The following PRKG1 variants were observed in gnomAD, a reference collection of about 807,000 sequenced individuals.
PRKG1 encodes the protein cGMP-dependent protein kinase 1.
In PRKG1, 35 loss-of-function variants were observed where a neutral mutation model predicts 88.1. The observed-to-expected ratio is 0.40, with a 90% CI of 0.30 to 0.53. The LOEUF (loss-of-function observed/expected upper bound fraction) is 0.53, where lower values mean the gene tolerates loss of function less well. Ranked by LOEUF, PRKG1 falls within the 20% of genes least tolerant of loss-of-function variation. The pLI, the probability that PRKG1 is intolerant of heterozygous loss-of-function variation, is 0.59. For missense variants in PRKG1, 540 were observed against 839.8 expected (o/e 0.64, Z 4.41); for synonymous variants, 303 against 292.5 (o/e 1.04, Z -0.37).
At position 51,103,405 on chromosome 10, in the gene PRKG1, T is replaced by A. The variant is rs76066841; in HGVS notation, c.311+28504T>A. Among the ~76,000 whole-genome samples, 5 of 152,318 alleles carry A rather than the reference T, an allele frequency of 3.3e-5. No homozygotes were observed. In the East Asian group the frequency reaches 9.6e-4, roughly 29 times the overall value. On this transcript the variant is annotated intron_variant, in intron 1 of 17. Coordinates refer to ENST00000373980, the MANE Select transcript of PRKG1 (RefSeq NM_006258.4). ...TCAAAGGATTAAGAAGCAGAATGAC[T>A]TTATATTTCTTCGAGCTAAAAAAAA...
Position 51,510,039 on chromosome 10 carries a change from G to A in PRKG1, c.592+42203G>A, listed in dbSNP as rs561078932. ...ATGGAAGTCCATAGATCAATTGACA[G>A]CAACAGCATAATAAGAGCATTTATT... On this transcript the variant is annotated intron_variant, in intron 3 of 17. Coordinates refer to ENST00000373980, the MANE Select transcript of PRKG1 (RefSeq NM_006258.4). 1.4e-4 allele frequency among the ~76,000 whole-genome samples: 21 copies of A among 152,252 alleles called. No individual in the cohort carries two copies. In the East Asian group the frequency reaches 1.9e-3, roughly 14 times the overall value.
intron 1 of PRKG1, 113 bp from the exon 2 acceptor site, chr10:51,153,051 T>A: frequency 3.1e-6 from 2 of 649,216 alleles, no homozygotes; most frequent in Non-Finnish European, 4.4e-6. Context: ...ATTGGATTCC[T>A]AACAAGAAAA....
chr10:51,886,256 A>C (rs939384469), intron 4 of PRKG1, among the ~76,000 whole-genome samples: 8 of 152,122 alleles, frequency 5.3e-5, no homozygotes, highest in Non-Finnish European at 2.9e-5. Flanking sequence ...CAGAACCAAA[A>C]ATTTATTTTC....
chr10:51,471,164 T>TA (rs76407647), intron 3 of PRKG1, among the ~76,000 whole-genome samples: 67,798 of 151,578 alleles, frequency 0.45, 15,786 homozygotes, highest in African/African-American at 0.52. Context: ...GTTCATGGCT[T>TA]AATAGCCTCA....
chr10:51,386,879 G>A (rs1837265751), intron 2 of PRKG1, among the ~76,000 whole-genome samples: 1 of 152,114 alleles, frequency 6.6e-6, no homozygotes, highest in Admixed American at 6.6e-5. Context: ...GAATATTCAT[G>A]TTCATTGCTT....
chr10:52,167,015 C>A (rs1457767737), intron 9 of PRKG1, among the ~76,000 whole-genome samples: 1 of 151,510 alleles, frequency 6.6e-6, no homozygotes, highest in Non-Finnish European at 1.5e-5. Flanking sequence ...ACTTATAGTG[C>A]ATTTTCAATT....
intron 5 of PRKG1, among the ~76,000 whole-genome samples, chr10:52,052,729 A>G (rs1846020188): frequency 6.6e-6 from 1 of 152,152 alleles, no homozygotes; most frequent in African/African-American, 2.4e-5. Context: ...TACTACCACA[A>G]GAACAGTATG....
intron 2 of PRKG1, among the ~76,000 whole-genome samples, chr10:51,238,303 C>G (rs1010860462): frequency 6.6e-6 from 1 of 152,004 alleles, no homozygotes; most frequent in Non-Finnish European, 1.5e-5. Context: ...AGTATTGGCC[C>G]GGCGAGATGG....
intron 2 of PRKG1, among the ~76,000 whole-genome samples, chr10:51,369,709 C>T (rs1279932322): frequency 2.6e-5 from 4 of 152,060 alleles, no homozygotes; most frequent in African/African-American, 9.7e-5. Flanking sequence ...CCTCTCCATC[C>T]TTTGACTGGC....
At chr10:51,080,173 G>A (rs181917750) in intron 1 of PRKG1, among the ~76,000 whole-genome samples, 12 of 152,256 alleles carry the variant, frequency 7.9e-5, no homozygotes, top group East Asian at 3.9e-4. Flanking sequence ...TGAGACCAGC[G>A]TGCTAAAACC....
chr10:51,435,799 A>G (rs1838911411), intron 2 of PRKG1, among the ~76,000 whole-genome samples: 1 of 152,024 alleles, frequency 6.6e-6, no homozygotes, highest in Non-Finnish European at 1.5e-5. Flanking sequence ...GATATGTGCT[A>G]TGGTAGATTA....
At chr10:51,946,702 TGTTGGA>T (rs2133042761) in intron 5 of PRKG1, among the ~76,000 whole-genome samples, 1 of 152,270 alleles carries the variant, frequency 6.6e-6, no homozygotes, top group South Asian at 2.1e-4. Flanking sequence ...GCTGCAGGTC[TGTTGGA>T]GTTTGCTAGA....
At chr10:51,081,121 C>T (rs1299527324) in intron 1 of PRKG1, among the ~76,000 whole-genome samples, 1 of 152,122 alleles carries the variant, frequency 6.6e-6, no homozygotes, top group Non-Finnish European at 1.5e-5. Context: ...ATAAGCATTC[C>T]TTCTGGAGGC....
intron 2 of PRKG1, among the ~76,000 whole-genome samples, chr10:51,199,693 G>A (rs986270407): frequency 1.3e-5 from 2 of 152,094 alleles, no homozygotes; most frequent in Non-Finnish European, 2.9e-5. Context: ...GACTTTTCTG[G>A]GCCTGGCTTT....
intron 7 of PRKG1, among the ~76,000 whole-genome samples, chr10:52,111,520 G>T (rs1163306944): frequency 6.6e-6 from 1 of 152,168 alleles, no homozygotes; most frequent in Admixed American, 6.5e-5. Context: ...CCATTCCATT[G>T]CTTTGACATT....
chr10:52,244,286 C>T (rs1407508934), intron 9 of PRKG1, among the ~76,000 whole-genome samples: 1 of 151,878 alleles, frequency 6.6e-6, no homozygotes, highest in Non-Finnish European at 1.5e-5. Context: ...AAATAACTCC[C>T]CATACAAAGA....
chr10:51,277,085 A>G (rs1430382357), intron 2 of PRKG1, among the ~76,000 whole-genome samples: 1 of 152,112 alleles, frequency 6.6e-6, no homozygotes, highest in East Asian at 1.9e-4. Context: ...TAGGGTTTTT[A>G]TGGTTTTAGG....
intron 3 of PRKG1, among the ~76,000 whole-genome samples, chr10:51,637,461 G>A (rs763530021): frequency 6.6e-6 from 1 of 152,166 alleles, no homozygotes; most frequent in African/African-American, 2.4e-5. Context: ...ATAAAGATAC[G>A]CATATGTATG....
chr10:51,088,959 A>G (rs1217253925), intron 1 of PRKG1, among the ~76,000 whole-genome samples: 4 of 152,140 alleles, frequency 2.6e-5, no homozygotes, highest in African/African-American at 4.8e-5. Flanking sequence ...TTGGTATTGC[A>G]TTTGGATGCT....
Sources: allele counts gnomAD v4.1 joint callset (sites outside exome capture counted in the v4.1 genomes callset), GRCh38; gene constraint gnomAD v4.1.1; transcripts MANE v1.5; gene names NCBI Gene and HGNC (gene_info 2026-07-23, HGNC 2026-07-21).